Variants in ROBO2 observed in about 807,000 individuals in gnomAD.
ROBO2 encodes the protein roundabout guidance receptor 2.
In ROBO2, 53 loss-of-function variants were observed where a neutral mutation model predicts 160.8. That is an observed-to-expected ratio of 0.33 (90% CI 0.26 to 0.41). ROBO2 has a LOEUF of 0.41. Among genes scored for constraint, ROBO2 ranks in the 10% least tolerant of loss-of-function variants. ROBO2 has a pLI of 1.00. For synonymous variants in ROBO2, 664 were observed against 611.7 expected, an observed-to-expected ratio of 1.09 and a Z score of -1.26; for missense variants, 1,577 against 1,722.4, an observed-to-expected ratio of 0.92 and a Z score of 1.49.
At chr3:76,692,134 C>A (rs1252135732) in intron 2 of ROBO2, among the ~76,000 whole-genome samples, 1 of 151,966 alleles carries the variant, frequency 6.6e-6, no homozygotes, top group Non-Finnish European at 1.5e-5. Flanking sequence ...TTGGCACTCA[C>A]CAAAAATAAC....
intron 2 of ROBO2, among the ~76,000 whole-genome samples, chr3:76,316,803 T>C (rs1024103998): frequency 1.3e-5 from 2 of 152,194 alleles, no homozygotes; most frequent in African/African-American, 4.8e-5. Context: ...TAAATGTCCA[T>C]ATTAAAATGA....
chr3:76,180,898 A>ACC (rs1278113421), intron 2 of ROBO2, among the ~76,000 whole-genome samples: 19 of 151,974 alleles, frequency 1.3e-4, no homozygotes, highest in African/African-American at 4.6e-4. Flanking sequence ...TGCTTCAGCC[A>ACC]CCCCACCTTC....
chr3:76,156,373 C>CT (rs2072410295), intron 2 of ROBO2, among the ~76,000 whole-genome samples: 1 of 152,210 alleles, frequency 6.6e-6, no homozygotes, highest in South Asian at 2.1e-4. Context: ...CAAAAGAAGC[C>CT]ATATAGTACA....
At chr3:76,574,460 A>G (rs1264910783) in intron 2 of ROBO2, among the ~76,000 whole-genome samples, 12 of 152,156 alleles carry the variant, frequency 7.9e-5, no homozygotes, top group Admixed American at 7.9e-4. Context: ...GTCAGCTTCT[A>G]TACCTAAAAC....
At chr3:76,602,563 G>A (rs1325805604) in intron 2 of ROBO2, among the ~76,000 whole-genome samples, 2 of 152,188 alleles carry the variant, frequency 1.3e-5, no homozygotes, top group African/African-American at 4.8e-5. Flanking sequence ...AAGTGAAAGG[G>A]GTTCCCCTTA....
intron 2 of ROBO2, among the ~76,000 whole-genome samples, chr3:77,013,052 A>C (rs1036672316): frequency 1.6e-4 from 24 of 152,272 alleles, no homozygotes; most frequent in Middle Eastern, 6.8e-3. Context: ...TATGAATTAG[A>C]AAATATGGTT....
In ROBO2 at chr3:76,434,211, T is replaced by C. The variant is rs878928213; in HGVS notation, c.109+496609T>C. The stretch of plus-strand genomic sequence containing the variant: ...AGAGACTGGGGGAGACGTGCAGAAA[T>C]ATGCAGAGATGGTCCACACAGGTTT... On this transcript the variant is annotated intron_variant, in intron 2 of 26. Transcript: ENST00000487694. 6 of 1,071,506 alleles carry C rather than the reference T, an allele frequency of 5.6e-6. No homozygotes were observed. The East Asian group carries it at 1.2e-4, about 21-fold the overall frequency. 66.4% of individuals were successfully genotyped at this position (1,071,506 alleles called of 1,614,324 possible).
intron 2 of ROBO2, among the ~76,000 whole-genome samples, chr3:76,925,650 A>G (rs2076948274): frequency 6.6e-6 from 1 of 152,174 alleles, no homozygotes; most frequent in African/African-American, 2.4e-5. Flanking sequence ...TCTTAAGTGC[A>G]TGATGCATAG....
At chr3:77,301,291 C>G (rs1041719529) in intron 2 of ROBO2, among the ~76,000 whole-genome samples, 1 of 151,976 alleles carries the variant, frequency 6.6e-6, no homozygotes, top group Non-Finnish European at 1.5e-5. Flanking sequence ...AATATTATTA[C>G]TAATATTATT....
At chr3:76,033,276 A>G (rs1295838816) in intron 2 of ROBO2, among the ~76,000 whole-genome samples, 1 of 149,586 alleles carries the variant, frequency 6.7e-6, no homozygotes, top group African/African-American at 2.5e-5. Flanking sequence ...GGTCTGGTCT[A>G]ATGTAGCTGT....
chr3:75,936,623 T>C (rs1947792127), intron 1 of ROBO2, among the ~76,000 whole-genome samples: 1 of 152,136 alleles, frequency 6.6e-6, no homozygotes, highest in Non-Finnish European at 1.5e-5. Context: ...GTTTTGAACT[T>C]ATCATTATTC....
intron 14 of ROBO2, among the ~76,000 whole-genome samples, chr3:77,574,996 C>CTA (rs1192762624): frequency 6.6e-6 from 1 of 152,068 alleles, no homozygotes; most frequent in East Asian, 1.9e-4. Context: ...AAATATTCCC[C>CTA]TATATTTTGT....
intron 2 of ROBO2, among the ~76,000 whole-genome samples, chr3:76,490,529 A>C (rs2079760677): frequency 6.6e-6 from 1 of 152,228 alleles, no homozygotes. Flanking sequence ...GAAGCACTAT[A>C]CTGAGGTTAA....
At chr3:76,721,379 T>C (rs1015274871) in intron 2 of ROBO2, among the ~76,000 whole-genome samples, 2 of 152,138 alleles carry the variant, frequency 1.3e-5, no homozygotes, top group East Asian at 1.9e-4. Flanking sequence ...TTCTGATGAG[T>C]CTTTTGGCTC....
chr3:77,101,870 A>G (rs776264882), intron 2 of ROBO2, among the ~76,000 whole-genome samples: 1 of 151,916 alleles, frequency 6.6e-6, no homozygotes, highest in Non-Finnish European at 1.5e-5. Flanking sequence ...TGAAACCCCG[A>G]CTCTACTAAA....
chr3:77,008,770 G>C (rs2061715785), intron 2 of ROBO2, among the ~76,000 whole-genome samples: 1 of 152,096 alleles, frequency 6.6e-6, no homozygotes, highest in Non-Finnish European at 1.5e-5. Context: ...GAATCATTTA[G>C]GAACAAAACA....
chr3:77,304,451 G>A (rs1012105390), intron 2 of ROBO2, among the ~76,000 whole-genome samples: 21 of 152,176 alleles, frequency 1.4e-4, no homozygotes, highest in African/African-American at 4.8e-4. Flanking sequence ...CACATGAAGT[G>A]AGAGCCGTTA....
intron 2 of ROBO2, among the ~76,000 whole-genome samples, chr3:77,165,391 C>T (rs1238033052): frequency 6.8e-6 from 1 of 147,490 alleles, no homozygotes; most frequent in Non-Finnish European, 1.5e-5. Context: ...ATCACCAATC[C>T]CTAATCTCAA....
intron 2 of ROBO2, among the ~76,000 whole-genome samples, chr3:76,425,487 A>AGTGTGTGTGTGTGT (rs10530471): frequency 1.4e-5 from 2 of 146,464 alleles, no homozygotes; most frequent in Non-Finnish European, 3.0e-5. Flanking sequence ...TGATGCAGCA[A>AGTGTGTGTGTGTGT]GTGTGTGTGT....
Sources: gnomAD v4.1 joint callset for allele counts (sites outside exome capture counted in the v4.1 genomes callset) on GRCh38, gnomAD v4.1.1 for gene constraint, MANE v1.5 for transcripts, NCBI Gene and HGNC (gene_info 2026-07-23, HGNC 2026-07-21) for gene names.